Variants in CBX1 observed in about 807,000 individuals in gnomAD.
CBX1 encodes chromobox protein homolog 1.
Under a neutral mutation model 25.1 loss-of-function variants are expected in CBX1, and 10 were observed. The ratio of observed to expected loss-of-function variants is 0.40; its 90% CI spans 0.25 to 0.68. The LOEUF is 0.68. Among genes scored for constraint, CBX1 ranks in the 30% least tolerant of loss-of-function variants. CBX1 has a pLI of 0.40. For missense variants in CBX1, 106 were observed against 218.5 expected (o/e 0.49, Z 3.25); for synonymous variants, 63 against 79.4 (o/e 0.79, Z 1.10).
intron 1 of CBX1, among the ~76,000 whole-genome samples, chr17:48,099,562 C>T (rs1410392370): frequency 6.6e-6 from 1 of 152,192 alleles, no homozygotes; most frequent in African/African-American, 2.4e-5. Flanking sequence ...TCAATCACAC[C>T]ACTTTCATAT....
chr17:48,086,230 C>T (rs2063310578), intron 1 of CBX1, among the ~76,000 whole-genome samples: 1 of 152,150 alleles, frequency 6.6e-6, no homozygotes, highest in Non-Finnish European at 1.5e-5. Context: ...TCCACCCCTG[C>T]ACTGAGGAGC....
chr17:48,101,377 C>T lies in CBX1; in HGVS notation c.-147G>A. ...AGGAAGGCAGCAAGCCGGGTGGCCGCAGTGGCGTCCCTCACTGAAGCGGCG... is the reference window on the plus strand; with the variant it reads ...AGGAAGGCAGCAAGCCGGGTGGCCGTAGTGGCGTCCCTCACTGAAGCGGCG... On this transcript the variant is annotated 5_prime_UTR_variant, in exon 1 of 5. Coordinates refer to ENST00000225603, the MANE Select transcript of CBX1 (RefSeq NM_001127228.2). 1 of 985,808 alleles carries T rather than the reference C, an allele frequency of 1.0e-6. No homozygotes were observed. Among genetic ancestry groups the T allele is most frequent in the South Asian group, 4.7e-5 (1 of 21,410 alleles). The allele number at this position is 985,808 out of a possible 1,614,324, so 61.1% of individuals were successfully genotyped here.
intron 1 of CBX1, 53 bp from the exon 2 acceptor site, chr17:48,077,094 G>C (rs947198676): frequency 3.6e-6 from 5 of 1,394,602 alleles, no homozygotes; most frequent in Non-Finnish European, 4.9e-6. Context: ...TTATTGGTTA[G>C]ATAATATCTG....
rs563047958 is a variant in CBX1 at position 48,099,038 on chromosome 17, T to G, written c.-38+2230A>C. 3.9e-5 allele frequency among the ~76,000 whole-genome samples: 6 copies of G among 152,360 alleles called. No individual in the cohort carries two copies. In the East Asian group the frequency reaches 9.6e-4, roughly 24 times the overall value. On this transcript the variant is annotated intron_variant, in intron 1 of 4. Transcript: ENST00000225603. Reference sequence around the variant, plus strand: ...ATGCAGAAGACCAGGGTAACTTACTTACCACTAGGCTTCTATTTACATTCA... The same window carrying G: ...ATGCAGAAGACCAGGGTAACTTACTGACCACTAGGCTTCTATTTACATTCA...
At chr17:48,072,883 C>T (rs2037638692) in intron 4 of CBX1, among the ~76,000 whole-genome samples, 1 of 152,048 alleles carries the variant, frequency 6.6e-6, no homozygotes, top group South Asian at 2.1e-4. Flanking sequence ...ATAATCCCAG[C>T]ACTTTGGGAG....
chr17:48,076,703 G>C lies in CBX1; in HGVS notation c.140+162C>G, dbSNP rs535767192. Among the ~76,000 whole-genome samples the C allele has an allele frequency of 2.6e-5, 4 of 152,282 alleles. No homozygotes were observed. The East Asian group carries it at 7.7e-4, about 29-fold the overall frequency. ...ATAATTTTTAAAAAGAAGTCATTCT[G>C]CTTTGTATTATAAGCAGTAGGCCAT... is the stretch of plus-strand genomic sequence containing the variant. On this transcript the variant is annotated intron_variant, in intron 2 of 4. Coordinates refer to ENST00000225603, the MANE Select transcript of CBX1 (RefSeq NM_001127228.2).
intron 2 of CBX1, 81 bp from the exon 3 acceptor site, chr17:48,076,259 C>A: frequency 1.8e-6 from 2 of 1,097,594 alleles, no homozygotes; most frequent in African/African-American, 1.6e-5. Flanking sequence ...GAGGACAAGA[C>A]CTCAGATGTC....
intron 1 of CBX1, among the ~76,000 whole-genome samples, chr17:48,078,234 C>T (rs946247886): frequency 6.6e-6 from 1 of 151,944 alleles, no homozygotes; most frequent in Non-Finnish European, 1.5e-5. Context: ...TGCTCTGCCC[C>T]CAGGCTGGAG....
intron 1 of CBX1, among the ~76,000 whole-genome samples, chr17:48,095,994 C>T (rs1269766859): frequency 1.3e-5 from 2 of 152,182 alleles, no homozygotes; most frequent in African/African-American, 4.8e-5. Flanking sequence ...AGTTCTCCTG[C>T]CTCAGCCTCC....
chr17:48,077,708 G>A (rs1034624127), intron 1 of CBX1, among the ~76,000 whole-genome samples: 6 of 152,028 alleles, frequency 3.9e-5, no homozygotes, highest in African/African-American at 7.2e-5. Context: ...AGGGCCAGGC[G>A]TGCAGGCTCA....
At chr17:48,086,419 G>A (rs767073269) in intron 1 of CBX1, among the ~76,000 whole-genome samples, 11 of 152,192 alleles carry the variant, frequency 7.2e-5, no homozygotes, top group Non-Finnish European at 1.6e-4. Context: ...GAACTATGAA[G>A]TGCTATGCTA....
At chr17:48,090,051 G>A (rs1009791265) in intron 1 of CBX1, among the ~76,000 whole-genome samples, 5 of 151,330 alleles carry the variant, frequency 3.3e-5, no homozygotes, top group East Asian at 2.0e-4. Flanking sequence ...CTTCCAGGGC[G>A]TGCACCACCA....
At chr17:48,082,444 G>A (rs1409605715) in intron 1 of CBX1, among the ~76,000 whole-genome samples, 1 of 141,788 alleles carries the variant, frequency 7.1e-6, no homozygotes, top group Admixed American at 7.4e-5. Context: ...GGAGCTTGCA[G>A]TGAGCCGAGA....
intron 1 of CBX1, among the ~76,000 whole-genome samples, chr17:48,091,000 T>C (rs1750325821): frequency 6.6e-6 from 1 of 152,116 alleles, no homozygotes; most frequent in African/African-American, 2.4e-5. Flanking sequence ...AACAAGAAAA[T>C]ATTACTGATA....
intron 1 of CBX1, among the ~76,000 whole-genome samples, chr17:48,077,803 A>G (rs2037692494): frequency 6.6e-6 from 1 of 152,114 alleles, no homozygotes; most frequent in Admixed American, 6.6e-5. Flanking sequence ...GCAACACAGC[A>G]AGACTCCATC....
chr17:48,073,215 T>G (rs1449374027), intron 4 of CBX1, among the ~76,000 whole-genome samples: 2 of 152,020 alleles, frequency 1.3e-5, no homozygotes, highest in African/African-American at 4.8e-5. Context: ...CCTGATGACA[T>G]CTCTGACAAA....
intron 1 of CBX1, among the ~76,000 whole-genome samples, chr17:48,085,133 A>C (rs926380255): frequency 3.3e-5 from 5 of 152,238 alleles, no homozygotes; most frequent in South Asian, 2.1e-4. Context: ...ACATTTGCTG[A>C]GTCTGCTACA....
intron 1 of CBX1, 65 bp downstream of exon 1, chr17:48,101,203 G>A (rs1374552396): frequency 4.0e-6 from 4 of 989,714 alleles, no homozygotes; most frequent in Admixed American, 6.1e-5. Context: ...CCTCACGCAG[G>A]GCTCCCGCCG....
chr17:48,081,598 C>T (rs1230120451), intron 1 of CBX1, among the ~76,000 whole-genome samples: 1 of 152,096 alleles, frequency 6.6e-6, no homozygotes, highest in African/African-American at 2.4e-5. Context: ...ACCACCATGC[C>T]CAGCTAATTT....
Sources: gnomAD v4.1 joint callset for allele counts (sites outside exome capture counted in the v4.1 genomes callset) on GRCh38, gnomAD v4.1.1 for gene constraint, MANE v1.5 for transcripts, NCBI Gene and HGNC (gene_info 2026-07-23, HGNC 2026-07-21) for gene names.